Variants in EXT2 observed in about 807,000 individuals in gnomAD.
The protein encoded by EXT2 is exostosin-2.
In EXT2, 53 loss-of-function variants were observed where a neutral mutation model predicts 81.6. The observed-to-expected ratio is 0.65, with a 90% CI of 0.52 to 0.82. EXT2 has a LOEUF of 0.82. Ranked by LOEUF, EXT2 falls within the 40% of genes least tolerant of loss-of-function variation. The pLI, the probability that EXT2 is intolerant of heterozygous loss-of-function variation, is 0.00. For missense variants in EXT2, 774 were observed against 910.2 expected, an observed-to-expected ratio of 0.85 and a Z score of 1.93; for synonymous variants, 320 against 340.0, an observed-to-expected ratio of 0.94 and a Z score of 0.65.
chr11:44,107,308 G>T (rs1590546420), intron 1 of EXT2, among the ~76,000 whole-genome samples: 1 of 152,062 alleles, frequency 6.6e-6, no homozygotes, highest in East Asian at 1.9e-4. Flanking sequence ...TACATTAAAA[G>T]TAGAGGCTGG....
At chr11:44,127,904 TG>T (rs530279804) in intron 6 of EXT2, among the ~76,000 whole-genome samples, 375 of 152,368 alleles carry the variant, frequency 2.5e-3, no homozygotes, top group Non-Finnish European at 4.6e-3. Context: ...TCCATTCTAC[TG>T]GGTGTTCACC....
At position 44,241,117 on chromosome 11, in the gene EXT2, G is replaced by C. The variant is rs1207404316; in HGVS notation, c.2019-3032G>C. On this transcript the variant is annotated intron_variant, in intron 13 of 13. Transcript: ENST00000533608. The stretch of plus-strand genomic sequence containing the variant: ...TCCTATATTTGGGGGTCTGGGATCA[G>C]AAATCTCAGTTGTATAGGAGAGTAG... Among the ~76,000 whole-genome samples, 4 of 152,172 alleles carry C rather than the reference G, an allele frequency of 2.6e-5. No homozygotes were observed. The East Asian group carries it at 7.7e-4, about 29-fold the overall frequency.
intron 1 of EXT2, among the ~76,000 whole-genome samples, chr11:44,103,233 T>C (rs893386133): frequency 2.6e-5 from 4 of 152,174 alleles, no homozygotes; most frequent in African/African-American, 9.7e-5. Context: ...TTGATATATC[T>C]AGGTAGCATT....
chr11:44,170,106 C>G (rs1955050153), intron 7 of EXT2, among the ~76,000 whole-genome samples: 1 of 152,054 alleles, frequency 6.6e-6, no homozygotes, highest in East Asian at 1.9e-4. Context: ...TGTGCTGGAC[C>G]ATAAATCAAG....
In EXT2 at chr11:44,251,788, A is replaced by G; in HGVS notation, c.*7501A>G. Among the ~76,000 whole-genome samples the G allele has an allele frequency of 6.6e-6, 1 of 152,224 alleles. No homozygotes were observed. Among genetic ancestry groups the G allele is most frequent in the Non-Finnish European group, 1.5e-5 (1 of 68,032 alleles). On this transcript the variant is annotated 3_prime_UTR_variant, in exon 14 of 14. Coordinates refer to ENST00000533608, the MANE Select transcript of EXT2 (RefSeq NM_207122.2). ...CTGATGTGATGGGTTCCTTCAGTCA[A>G]CAAATACTTATTGAGCAGTTATTGT... is the stretch of plus-strand genomic sequence containing the variant.
At chr11:44,234,383 G>A (rs1955936213) in intron 12 of EXT2, 140 bp downstream of exon 12, 1 of 826,418 alleles carries the variant, frequency 1.2e-6, no homozygotes, top group Non-Finnish European at 2.0e-6. Context: ...TTCTATGATT[G>A]ATGCGGTCAC....
chr11:44,167,235 T>C (rs1036787224), intron 7 of EXT2, among the ~76,000 whole-genome samples: 2 of 152,132 alleles, frequency 1.3e-5, no homozygotes, highest in Non-Finnish European at 2.9e-5. Flanking sequence ...AAGTGAAAAA[T>C]GTGCTCGTAA....
intron 13 of EXT2, among the ~76,000 whole-genome samples, chr11:44,241,922 C>G (rs920898282): frequency 6.6e-6 from 1 of 152,216 alleles, no homozygotes. Context: ...GGAGGCCTGC[C>G]GCTTCTCCAG....
At chr11:44,228,281 G>A (rs1955860153) in intron 10 of EXT2, among the ~76,000 whole-genome samples, 1 of 152,110 alleles carries the variant, frequency 6.6e-6, no homozygotes, top group African/African-American at 2.4e-5. Context: ...GGAACTCCAG[G>A]GATATTCTGT....
chr11:44,176,017 A>G (rs945690620), intron 8 of EXT2, among the ~76,000 whole-genome samples: 3 of 152,230 alleles, frequency 2.0e-5, no homozygotes, highest in Non-Finnish European at 4.4e-5. Flanking sequence ...CGTGCAGATT[A>G]TCTTGAATTG....
chr11:44,207,977 T>C (rs1303564281), intron 10 of EXT2, among the ~76,000 whole-genome samples: 1 of 152,136 alleles, frequency 6.6e-6, no homozygotes, highest in African/African-American at 2.4e-5. Context: ...GATTAATAGA[T>C]TGATGTGCGA....
At chr11:44,136,705 G>A (rs1954572983) in intron 7 of EXT2, among the ~76,000 whole-genome samples, 1 of 152,128 alleles carries the variant, frequency 6.6e-6, no homozygotes, top group Admixed American at 6.5e-5. Context: ...CTGGACTCTT[G>A]GGGCTTTTTA....
At chr11:44,133,658 T>G (rs944200585) in intron 7 of EXT2, among the ~76,000 whole-genome samples, 2 of 152,194 alleles carry the variant, frequency 1.3e-5, no homozygotes, top group Admixed American at 6.5e-5. Flanking sequence ...ATAGCTGCTC[T>G]CTAGAGACCA....
Position 44,249,547 on chromosome 11 carries a change from C to T in EXT2, c.*5260C>T, listed in dbSNP as rs1956123491. On this transcript the variant is annotated 3_prime_UTR_variant, in exon 14 of 14. Transcript: ENST00000533608. ...TCCATATGTCTTAGACCAAAGCCAC[C>T]AGTCAGGCCTTGCCACCATATAGAA... is the stretch of plus-strand genomic sequence containing the variant. 6.6e-6 allele frequency among the ~76,000 whole-genome samples: 1 copy of T among 152,188 alleles called. No homozygotes were observed.
At chr11:44,162,575 C>CAAAAAA (rs746211630) in intron 7 of EXT2, among the ~76,000 whole-genome samples, 2 of 45,896 alleles carry the variant, frequency 4.4e-5, no homozygotes, top group Admixed American at 2.0e-4. Flanking sequence ...GACTCCATCT[C>CAAAAAA]AAAAAAAAAA....
Position 44,236,392 on chromosome 11 carries a change from C to A in EXT2, c.2018+17C>A, listed in dbSNP as rs375554352. On this transcript the variant is annotated intron_variant, in intron 13 of 13. Coordinates refer to ENST00000533608, the MANE Select transcript of EXT2 (RefSeq NM_207122.2). ...GGTGGAGAGGTAAGTGAGCCTCCAA[C>A]CAAAAGTGCGCCTTAGCCTCTGATC... is the stretch of plus-strand genomic sequence containing the variant. The A allele has an allele frequency of 5.0e-6, 8 of 1,612,168 alleles. 1 individual carries two copies. The highest frequency in any genetic ancestry group is 5.1e-6 in the Non-Finnish European group (6 of 1,178,808).
At chr11:44,202,005 G>A (rs1955527340) in intron 9 of EXT2, among the ~76,000 whole-genome samples, 1 of 152,176 alleles carries the variant, frequency 6.6e-6, no homozygotes, top group African/African-American at 2.4e-5. Context: ...ATGAAACTGA[G>A]AATTCTATTT....
At chr11:44,123,544 A>T (rs969441184) in intron 4 of EXT2, among the ~76,000 whole-genome samples, 3 of 152,160 alleles carry the variant, frequency 2.0e-5, no homozygotes, top group Non-Finnish European at 4.4e-5. Flanking sequence ...CCCTTATCCA[A>T]AATGCTCAGG....
At chr11:44,190,787 A>G (rs938863879) in intron 8 of EXT2, among the ~76,000 whole-genome samples, 11 of 152,198 alleles carry the variant, frequency 7.2e-5, no homozygotes, top group African/African-American at 2.7e-4. Context: ...AGCAAAGGCC[A>G]CCCGTTTACC....
Sources: allele counts gnomAD v4.1 joint callset (sites outside exome capture counted in the v4.1 genomes callset), GRCh38; gene constraint gnomAD v4.1.1; transcripts MANE v1.5; gene names NCBI Gene and HGNC (gene_info 2026-07-23, HGNC 2026-07-21).